Variants in PPP2R3A observed in about 807,000 individuals in gnomAD.
PPP2R3A encodes serine/threonine-protein phosphatase 2A regulatory subunit B'' subunit alpha.
Under a neutral mutation model 106.9 loss-of-function variants are expected in PPP2R3A, and 80 were observed. The observed-to-expected ratio is 0.75, with a 90% CI of 0.62 to 0.90. PPP2R3A has a LOEUF of 0.90. Ranked by LOEUF, PPP2R3A falls within the 40% of genes least tolerant of loss-of-function variation. The pLI is 0.00. For synonymous variants in PPP2R3A, 483 were observed against 468.3 expected (o/e 1.03, Z -0.41); for missense variants, 1,386 against 1,350.4 (o/e 1.03, Z -0.41).
chr3:136,135,834 C>T (rs1337468928), intron 13 of PPP2R3A, among the ~76,000 whole-genome samples: 2 of 151,734 alleles, frequency 1.3e-5, no homozygotes, highest in Non-Finnish European at 2.9e-5. Flanking sequence ...GCAGATGAGG[C>T]CAGGAGTTCG....
At chr3:136,055,625 G>C (rs1194842169) in intron 5 of PPP2R3A, 1 of 1,360,478 alleles carries the variant, frequency 7.4e-7, no homozygotes, top group Non-Finnish European at 1.0e-6. Flanking sequence ...TTTAACACCT[G>C]CCTGCCAATG....
intron 4 of PPP2R3A, among the ~76,000 whole-genome samples, chr3:136,045,517 A>G (rs1036771711): frequency 1.3e-5 from 2 of 152,192 alleles, no homozygotes; most frequent in Non-Finnish European, 2.9e-5. Context: ...GGAACACCTA[A>G]TAGCCCAGTG....
intron 1 of PPP2R3A, among the ~76,000 whole-genome samples, chr3:135,986,199 G>T (rs1289489352): frequency 6.6e-6 from 1 of 152,128 alleles, no homozygotes; most frequent in Non-Finnish European, 1.5e-5. Flanking sequence ...GAAGAAAGCT[G>T]TAGAGGTCAA....
At chr3:136,099,169 G>A (rs760629585) in intron 10 of PPP2R3A, among the ~76,000 whole-genome samples, 10 of 152,004 alleles carry the variant, frequency 6.6e-5, no homozygotes, top group Non-Finnish European at 1.0e-4. Flanking sequence ...CTGAAGATTC[G>A]ACACTGGGTC....
At chr3:136,020,767 A>G (rs1316169410) in intron 2 of PPP2R3A, among the ~76,000 whole-genome samples, 3 of 152,266 alleles carry the variant, frequency 2.0e-5, no homozygotes, top group South Asian at 2.1e-4. Context: ...AAGAGAAACT[A>G]TTAGCCACAA....
chr3:136,017,998 G>C lies in PPP2R3A; in HGVS notation c.1996-8834G>C, dbSNP rs530768781. On this transcript the variant is annotated intron_variant, in intron 2 of 13. Coordinates refer to ENST00000264977, the MANE Select transcript of PPP2R3A (RefSeq NM_002718.5). Reference sequence around the variant, plus strand: ...AATAAAGGGCTAGGCCAGGCACAGTGGCTCACACCTGTAATCCCAGCACTT... The same window carrying C: ...AATAAAGGGCTAGGCCAGGCACAGTCGCTCACACCTGTAATCCCAGCACTT... Among the ~76,000 whole-genome samples, 4 of 152,330 alleles carry C rather than the reference G, an allele frequency of 2.6e-5. No individual in the cohort carries two copies. The East Asian group carries it at 7.7e-4, about 29-fold the overall frequency.
Position 136,003,477 on chromosome 3 carries a change from C to T in PPP2R3A, c.1979C>T (p.Thr660Ile). 5 of 1,606,186 alleles carry T rather than the reference C, an allele frequency of 3.1e-6. No individual in the cohort carries two copies. Among genetic ancestry groups the T allele is most frequent in the Admixed American group, 3.4e-5 (2 of 58,742 alleles). The change falls in exon 2 of 14, where the codon ACT (threonine) becomes ATT (isoleucine). Residue 660 changes from threonine (T) to isoleucine (I), a missense_variant. Thr to Ile is a moderately conservative substitution (Grantham distance 89). Coordinates refer to ENST00000264977, the MANE Select transcript of PPP2R3A (RefSeq NM_002718.5). Reference sequence around the variant, plus strand: ...ACTTCAGCAGTTTTGATTCAGCAGACTCCAGAGGTGATCAAGGTAAGACCC... The same window carrying T: ...ACTTCAGCAGTTTTGATTCAGCAGATTCCAGAGGTGATCAAGGTAAGACCC... ...DTTSAVLIQQ[T>I]PEVIKIQNKP...
At chr3:136,068,507 C>A (rs959803243) in intron 5 of PPP2R3A, among the ~76,000 whole-genome samples, 2 of 152,032 alleles carry the variant, frequency 1.3e-5, no homozygotes, top group African/African-American at 4.8e-5. Context: ...GATGACAGAG[C>A]AAGACTCCGT....
In PPP2R3A at chr3:136,008,930, A is replaced by G. The variant is rs115783572; in HGVS notation, c.1995+5437A>G. ...TAATATGCCCTTCATCCTTGTTTAC[A>G]TTAGTCACCACCAGAAATCCAGGAA... On this transcript the variant is annotated intron_variant, in intron 2 of 13. Coordinates refer to ENST00000264977, the MANE Select transcript of PPP2R3A (RefSeq NM_002718.5). Among the ~76,000 whole-genome samples the G allele has an allele frequency of 6.5e-3, 982 of 152,132 alleles. 4 individuals are homozygous for G. Among genetic ancestry groups the G allele is most frequent in the Non-Finnish European group, 0.011 (752 of 67,986 alleles).
intron 13 of PPP2R3A, among the ~76,000 whole-genome samples, chr3:136,141,613 A>G (rs987622723): frequency 6.6e-6 from 1 of 152,240 alleles, no homozygotes; most frequent in African/African-American, 2.4e-5. Flanking sequence ...GAATAATCAG[A>G]AAACCTGTAC....
At position 136,147,502 on chromosome 3, in the gene PPP2R3A, C is replaced by A. The variant is rs1939184934; in HGVS notation, c.*2336C>A. On this transcript the variant is annotated 3_prime_UTR_variant, in exon 14 of 14. Transcript: ENST00000264977. ...TGTACTCCTTCCTTGGAGCTGAATG[C>A]AAGGAATGTGAATTCTGAGGAATTA... is the stretch of plus-strand genomic sequence containing the variant. 1 of 152,504 alleles carries A rather than the reference C, an allele frequency of 6.6e-6. No individual in the cohort carries two copies. The highest frequency in any genetic ancestry group is 1.5e-5 in the Non-Finnish European group (1 of 68,028). The allele number at this position is 152,504 out of a possible 1,614,324, so 9.4% of individuals were successfully genotyped here.
intron 13 of PPP2R3A, among the ~76,000 whole-genome samples, chr3:136,113,247 A>G (rs1310920461): frequency 6.6e-6 from 1 of 152,228 alleles, no homozygotes; most frequent in African/African-American, 2.4e-5. Context: ...CCAAAACAGC[A>G]TGGTGCTGAT....
intron 1 of PPP2R3A, among the ~76,000 whole-genome samples, chr3:135,976,517 A>G (rs1015307010): frequency 6.6e-6 from 1 of 152,186 alleles, no homozygotes; most frequent in East Asian, 1.9e-4. Flanking sequence ...AGAATACACA[A>G]CATAACAGGT....
chr3:136,137,407 C>T (rs1215546203), intron 13 of PPP2R3A, among the ~76,000 whole-genome samples: 2 of 151,988 alleles, frequency 1.3e-5, no homozygotes, highest in East Asian at 3.9e-4. Flanking sequence ...TCAGTGTTCT[C>T]AAGCAGTAAC....
intron 1 of PPP2R3A, among the ~76,000 whole-genome samples, chr3:135,972,989 A>G (rs1262906688): frequency 6.6e-6 from 1 of 152,118 alleles, no homozygotes; most frequent in African/African-American, 2.4e-5. Context: ...TGCTTTTGGC[A>G]TTATATCTGA....
chr3:136,047,250 A>T (rs928020815), intron 4 of PPP2R3A, among the ~76,000 whole-genome samples: 1 of 152,240 alleles, frequency 6.6e-6, no homozygotes, highest in Non-Finnish European at 1.5e-5. Context: ...AGATTTCTCA[A>T]AGAACAGAGT....
At chr3:136,118,514 GCA>G (rs1559930618) in intron 13 of PPP2R3A, among the ~76,000 whole-genome samples, 1 of 152,214 alleles carries the variant, frequency 6.6e-6, no homozygotes, top group Non-Finnish European at 1.5e-5. Flanking sequence ...AAGCTGATGA[GCA>G]ACTTCAGCAA....
intron 10 of PPP2R3A, 119 bp downstream of exon 10, chr3:136,090,786 G>T: frequency 1.4e-6 from 1 of 721,852 alleles, no homozygotes; most frequent in Non-Finnish European, 2.3e-6. Flanking sequence ...AGATGAATTA[G>T]ACTTAGTTTC....
Position 136,087,886 on chromosome 3 carries a change from C to T in PPP2R3A, c.2792C>T (p.Ser931Leu). 1 of 1,608,488 alleles carries T rather than the reference C, an allele frequency of 6.2e-7. No individual in the cohort carries two copies. Among genetic ancestry groups the T allele is most frequent in the African/African-American group, 1.3e-5 (1 of 74,718 alleles). The stretch of plus-strand genomic sequence containing the variant: ...TTTTTTTTTTATCTACATTTAGCTT[C>T]ATCAAGCAGGATTATTGAAAGGATA... ...ADLSRYNDQA[S>L]SSRIIERIFS... The change falls in exon 9 of 14, where the codon TCA becomes TTA. Residue 931 changes from serine to leucine, a missense_variant. Physicochemically the swap from Ser to Leu is moderately radical, Grantham distance 145 (BLOSUM62 -2). Coordinates refer to ENST00000264977, the MANE Select transcript of PPP2R3A (RefSeq NM_002718.5).
Sources: gnomAD v4.1 joint callset for allele counts (sites outside exome capture counted in the v4.1 genomes callset) on GRCh38, gnomAD v4.1.1 for gene constraint, MANE v1.5 for transcripts, NCBI Gene and HGNC (gene_info 2026-07-23, HGNC 2026-07-21) for gene names.